The following RBKS variants were observed in gnomAD, a reference collection of about 807,000 sequenced individuals.
RBKS encodes ribokinase.
In RBKS, 33 loss-of-function variants were observed where a neutral mutation model predicts 33.9. The observed-to-expected ratio is 0.97, with a 90% CI of 0.74 to 1.30. The LOEUF (loss-of-function observed/expected upper bound fraction) is 1.30, where lower values mean the gene tolerates loss of function less well. RBKS is among the 50% of genes most tolerant of loss of function. The probability of loss-of-function intolerance (pLI) is 0.00; values close to 1 mark genes in which losing one functional copy is unlikely to be tolerated. For missense variants in RBKS, 361 were observed against 392.6 expected, an observed-to-expected ratio of 0.92 and a Z score of 0.68; for synonymous variants, 125 against 143.0, an observed-to-expected ratio of 0.87 and a Z score of 0.90.
At chr2:27,792,488 T>C (rs1376058263) in intron 7 of RBKS, among the ~76,000 whole-genome samples, 2 of 152,220 alleles carry the variant, frequency 1.3e-5, no homozygotes, top group Non-Finnish European at 2.9e-5. Flanking sequence ...ACCAAAAGCA[T>C]TTCTAGTCTT....
chr2:27,839,529 C>T (rs4361084), intron 5 of RBKS, among the ~76,000 whole-genome samples: 124,272 of 152,088 alleles, frequency 0.82, 51,401 homozygotes, highest in East Asian at 1. Flanking sequence ...ATTTTGATAG[C>T]GACAGAGAGT....
intron 7 of RBKS, among the ~76,000 whole-genome samples, chr2:27,807,050 T>C (rs192282980): frequency 2.0e-5 from 3 of 152,294 alleles, no homozygotes; most frequent in African/African-American, 4.8e-5. Flanking sequence ...CCAAAACCAA[T>C]GGGCAACTGT....
At chr2:27,860,548 C>T (rs1316175142) in intron 1 of RBKS, among the ~76,000 whole-genome samples, 2 of 152,114 alleles carry the variant, frequency 1.3e-5, no homozygotes, top group African/African-American at 4.8e-5. Flanking sequence ...ATTTTTATTA[C>T]TAACTGTGAG....
intron 7 of RBKS, among the ~76,000 whole-genome samples, chr2:27,813,220 C>T (rs1314361727): frequency 3.9e-5 from 6 of 152,084 alleles, no homozygotes; most frequent in Non-Finnish European, 7.4e-5. Context: ...GATCAAGTAC[C>T]ACTGAAGATA....
At chr2:27,832,516 G>C (rs1678436802) in intron 6 of RBKS, among the ~76,000 whole-genome samples, 170 bp downstream of exon 6, 1 of 152,020 alleles carries the variant, frequency 6.6e-6, no homozygotes, top group African/African-American at 2.4e-5. Flanking sequence ...TTCCCCCCTA[G>C]GATTTACTAA....
chr2:27,797,081 A>G (rs1221257007), intron 7 of RBKS, among the ~76,000 whole-genome samples: 1 of 152,190 alleles, frequency 6.6e-6, no homozygotes, highest in African/African-American at 2.4e-5. Context: ...GCACACTTCC[A>G]TGTTAATCTG....
At chr2:27,844,633 G>A (rs915271233) in intron 4 of RBKS, among the ~76,000 whole-genome samples, 4 of 152,218 alleles carry the variant, frequency 2.6e-5, no homozygotes, top group Admixed American at 1.3e-4. Flanking sequence ...CTGACCTCAT[G>A]TGATCTACCC....
chr2:27,830,900 C>T (rs1297726117), intron 6 of RBKS, among the ~76,000 whole-genome samples: 1 of 152,158 alleles, frequency 6.6e-6, no homozygotes, highest in African/African-American at 2.4e-5. Context: ...TTCTGTGTCT[C>T]CTTCTCACGG....
At chr2:27,806,617 C>G (rs183399084) in intron 7 of RBKS, among the ~76,000 whole-genome samples, 1 of 152,342 alleles carries the variant, frequency 6.6e-6, no homozygotes, top group East Asian at 1.9e-4. Flanking sequence ...GGTTAAATCC[C>G]AGTCCCCATT....
intron 7 of RBKS, among the ~76,000 whole-genome samples, chr2:27,806,834 TC>T (rs1383827790): frequency 6.6e-6 from 1 of 152,164 alleles, no homozygotes; most frequent in Non-Finnish European, 1.5e-5. Context: ...CTGGGCTCCA[TC>T]CCCAAAGTTT....
At chr2:27,787,541 C>T (rs920215486) in intron 7 of RBKS, among the ~76,000 whole-genome samples, 2 of 152,074 alleles carry the variant, frequency 1.3e-5, no homozygotes, top group African/African-American at 4.8e-5. Flanking sequence ...ATTACAGGTA[C>T]GAGCCACTGT....
At chr2:27,805,181 T>C (rs987493922) in intron 7 of RBKS, among the ~76,000 whole-genome samples, 3 of 152,182 alleles carry the variant, frequency 2.0e-5, no homozygotes, top group African/African-American at 7.2e-5. Context: ...TAACGATAGC[T>C]GATGAGGTTT....
chr2:27,807,379 G>A (rs1558537937), intron 7 of RBKS, among the ~76,000 whole-genome samples: 1 of 152,104 alleles, frequency 6.6e-6, no homozygotes, highest in African/African-American at 2.4e-5. Flanking sequence ...CATGGCAGAG[G>A]TCTTTTTTTT....
chr2:27,831,485 A>G (rs1353671421), intron 6 of RBKS, among the ~76,000 whole-genome samples: 1 of 152,316 alleles, frequency 6.6e-6, no homozygotes, highest in South Asian at 2.1e-4. Context: ...CCTTCTTCCT[A>G]GCATGGTGGT....
intron 7 of RBKS, among the ~76,000 whole-genome samples, chr2:27,819,437 G>T (rs1678157373): frequency 6.6e-6 from 1 of 152,132 alleles, no homozygotes. Context: ...ATGAATTTTG[G>T]TGGGAACGCA....
At chr2:27,790,233 C>T (rs1039615983) in intron 7 of RBKS, among the ~76,000 whole-genome samples, 2 of 152,014 alleles carry the variant, frequency 1.3e-5, no homozygotes, top group Non-Finnish European at 2.9e-5. Flanking sequence ...GTCTTTTAAA[C>T]AAATGGTTCT....
In RBKS at chr2:27,810,525, G is replaced by GA. The variant is rs1012229073; in HGVS notation, c.795+17041dup. ...GGCATCTTTCTGTGCTATCTGCAGA[G>GA]AATCACTGATGACAGGAACTCTTTC... On this transcript the variant is annotated intron_variant, in intron 7 of 7. Coordinates refer to ENST00000302188, the MANE Select transcript of RBKS (RefSeq NM_022128.3). This position sits in a 1 kb window ranked among gnomAD's most constrained non-coding sequence, Gnocchi z 4.4. 6.6e-6 allele frequency among the ~76,000 whole-genome samples: 1 copy of GA among 152,126 alleles called. No homozygotes were observed. Among genetic ancestry groups the GA allele is most frequent in the African/African-American group, 2.4e-5 (1 of 41,416 alleles).
chr2:27,844,913 C>T (rs1289496830), intron 4 of RBKS, among the ~76,000 whole-genome samples: 2 of 152,136 alleles, frequency 1.3e-5, no homozygotes, highest in African/African-American at 2.4e-5. Flanking sequence ...CCGGGCTGCT[C>T]GTGCTGATCT....
At chr2:27,888,965 A>G (rs993902690) in intron 1 of RBKS, among the ~76,000 whole-genome samples, 1 of 152,254 alleles carries the variant, frequency 6.6e-6, no homozygotes, top group African/African-American at 2.4e-5. Context: ...AAGTATTTTT[A>G]TCTTGGCACA....
Sources: gnomAD v4.1 joint callset for allele counts (sites outside exome capture counted in the v4.1 genomes callset) on GRCh38, gnomAD v4.1.1 for gene constraint, Gnocchi (gnomAD v3.1) non-coding constraint, MANE v1.5 for transcripts, NCBI Gene and HGNC (gene_info 2026-07-23, HGNC 2026-07-21) for gene names.